LOC131768270: variants seen among roughly 807,000 people sequenced by gnomAD.
chr5:140,567,663 G>A, the LOC131768270 span: 31 of 1,613,902 alleles, frequency 1.9e-5, no homozygotes, highest in African/African-American at 4.0e-5. Context: ...CAAGTTCCCG[G>A]GAACACCCTT....
the LOC131768270 span, chr5:140,567,820 G>C: frequency 6.2e-7 from 1 of 1,614,048 alleles, no homozygotes; most frequent in Non-Finnish European, 8.5e-7. Flanking sequence ...GGCTGCCCCT[G>C]GCACTTCAGA....
At chr5:140,567,340 T>C in the LOC131768270 span, 2 of 1,614,184 alleles carry the variant, frequency 1.2e-6, no homozygotes, top group Non-Finnish European at 1.7e-6. Context: ...TGCTGCTGAC[T>C]GAGCTGACCA....
At chr5:140,566,966 G>A in the LOC131768270 span, 20 of 778,716 alleles carry the variant, frequency 2.6e-5, no homozygotes, top group African/African-American at 5.1e-5. Context: ...CATGGGACTC[G>A]CCCCAAGACT....
the LOC131768270 span, chr5:140,568,933 C>G: frequency 6.0e-6 from 1 of 167,218 alleles, no homozygotes; most frequent in African/African-American, 2.4e-5. Context: ...GGGCCTGCCC[C>G]TGCCTAGCAG....
the LOC131768270 span, chr5:140,569,031 T>A: frequency 0.33 from 55,690 of 166,934 alleles, 9,748 homozygotes; most frequent in African/African-American, 0.4. Flanking sequence ...CAGTGTCTCT[T>A]TAACTGCATA....
At chr5:140,567,691 AGCT>A in the LOC131768270 span, 1 of 1,614,076 alleles carries the variant, frequency 6.2e-7, no homozygotes, top group South Asian at 1.1e-5. Context: ...CCCCTCCAGC[AGCT>A]GCTGCCAGCC....
chr5:140,566,709 G>A, the LOC131768270 span: 1 of 577,656 alleles, frequency 1.7e-6, no homozygotes, highest in Admixed American at 3.2e-5. Context: ...TGTGCCCAAC[G>A]TGGAGAAGAC....
At chr5:140,566,530 C>G in the LOC131768270 span, 7 of 413,976 alleles carry the variant, frequency 1.7e-5, no homozygotes, top group African/African-American at 4.1e-5. Flanking sequence ...CAGGAAGGAG[C>G]CTAGCTAAGT....
chr5:140,567,263 G>A, the LOC131768270 span: 1 of 1,614,210 alleles, frequency 6.2e-7, no homozygotes. Context: ...CATGTACGGT[G>A]CCCATGCCCC....
the LOC131768270 span, chr5:140,567,074 G>A: frequency 9.5e-6 from 15 of 1,581,084 alleles, no homozygotes; most frequent in South Asian, 4.4e-5. Flanking sequence ...AATGTTCCAC[G>A]GCTTCTCCTT....
chr5:140,565,621 C>G, the LOC131768270 span: 29 of 291,606 alleles, frequency 9.9e-5, no homozygotes, highest in African/African-American at 5.6e-4. Flanking sequence ...ATACTGCTTG[C>G]TATATAAAAT....
At chr5:140,568,842 CCT>C in the LOC131768270 span, 1 of 167,282 alleles carries the variant, frequency 6.0e-6, no homozygotes, top group African/African-American at 2.4e-5. Context: ...ACACTCCTGA[CCT>C]CTCTGTTCAC....
chr5:140,567,117 C>G, the LOC131768270 span: 4 of 1,613,406 alleles, frequency 2.5e-6, no homozygotes, highest in Non-Finnish European at 3.4e-6. Context: ...TGATTTTCCC[C>G]AAACGTGTTG....
the LOC131768270 span, chr5:140,567,590 C>T: frequency 9.9e-6 from 16 of 1,614,110 alleles, no homozygotes; most frequent in Middle Eastern, 1.6e-4. Context: ...CCTCTCTGTG[C>T]GTCAGGGGTT....
At chr5:140,567,238 A>G in the LOC131768270 span, 4 of 1,613,868 alleles carry the variant, frequency 2.5e-6, no homozygotes, top group Non-Finnish European at 3.4e-6. Flanking sequence ...CCCTGATGCT[A>G]CTCCTATCCA....
chr5:140,567,335 C>T, the LOC131768270 span: 4 of 1,614,198 alleles, frequency 2.5e-6, no homozygotes, highest in Non-Finnish European at 3.4e-6. Flanking sequence ...AGCCGTGCTG[C>T]TGACTGAGCT....
the LOC131768270 span, chr5:140,565,272 T>C: frequency 1.6e-5 from 3 of 188,994 alleles, no homozygotes; most frequent in Non-Finnish European, 2.1e-5. Context: ...GCGATCAAAA[T>C]CACTCAGTCC....
At chr5:140,567,121 C>A in the LOC131768270 span, 22 of 1,613,598 alleles carry the variant, frequency 1.4e-5, no homozygotes, top group Non-Finnish European at 1.9e-5. Flanking sequence ...TTTCCCCAAA[C>A]GTGTTGCAAT....
the LOC131768270 span, chr5:140,564,989 T>G: frequency 3.5e-5 from 14 of 399,066 alleles, no homozygotes; most frequent in Non-Finnish European, 5.7e-5. The surrounding 1 kb of genome is among the most constrained non-coding windows in gnomAD (Gnocchi z 5.0). Flanking sequence ...GCGGCTCCTG[T>G]CAACTGCCTC....
Sources: allele counts gnomAD v4.1 joint callset, GRCh38; gene constraint gnomAD v4.1.1; non-coding constraint Gnocchi (gnomAD v3.1); transcripts MANE v1.5.